Variants in CTXND1 observed in about 807,000 individuals in gnomAD.
CTXND1 encodes cortexin domain containing 1.
chr15:80,228,872 C>T (rs544641312), intron 1 of CTXND1, among the ~76,000 whole-genome samples: 4 of 152,210 alleles, frequency 2.6e-5, no homozygotes, highest in South Asian at 2.1e-4. Context: ...TCGTGATCCA[C>T]CTGCCTCGGC....
At chr15:80,208,175 C>G (rs1893169714) in intron 1 of CTXND1, among the ~76,000 whole-genome samples, 1 of 152,216 alleles carries the variant, frequency 6.6e-6, no homozygotes, top group Admixed American at 6.5e-5. Context: ...ACAAAATTAA[C>G]TTCTGTCAAT....
At chr15:80,208,469 T>C (rs1228212999) in intron 1 of CTXND1, among the ~76,000 whole-genome samples, 1 of 152,214 alleles carries the variant, frequency 6.6e-6, no homozygotes, top group African/African-American at 2.4e-5. Flanking sequence ...TTTAATTGCT[T>C]TTTTTTGTTT....
intron 1 of CTXND1, among the ~76,000 whole-genome samples, chr15:80,243,826 C>G (rs922787359): frequency 6.6e-6 from 1 of 152,192 alleles, no homozygotes; most frequent in Non-Finnish European, 1.5e-5. Flanking sequence ...GGAGCAATGA[C>G]ACCCCTTCTT....
intron 1 of CTXND1, among the ~76,000 whole-genome samples, chr15:80,250,547 T>C (rs1893681403): frequency 1.3e-5 from 2 of 152,234 alleles, no homozygotes; most frequent in East Asian, 1.9e-4. Flanking sequence ...GGAAAACTGA[T>C]TGGGAAATTA....
intron 1 of CTXND1, among the ~76,000 whole-genome samples, chr15:80,235,668 A>G (rs1893487016): frequency 6.6e-6 from 1 of 151,920 alleles, no homozygotes; most frequent in Non-Finnish European, 1.5e-5. Context: ...GGCTCCATAA[A>G]GTTCTTATCG....
At chr15:80,242,350 A>G (rs977458084) in intron 1 of CTXND1, among the ~76,000 whole-genome samples, 1 of 152,260 alleles carries the variant, frequency 6.6e-6, no homozygotes, top group East Asian at 1.9e-4. Context: ...GAGCCCGGGC[A>G]AGAAGTTAAA....
At chr15:80,244,839 C>T (rs766779308) in intron 1 of CTXND1, among the ~76,000 whole-genome samples, 7 of 152,160 alleles carry the variant, frequency 4.6e-5, no homozygotes, top group Non-Finnish European at 1.5e-5. Flanking sequence ...ATATAAAGCA[C>T]TATCAGGTAC....
rs1361504498 is a variant in CTXND1, at chr15:80,199,378, C to G, written c.*2392G>C. ...TTAAGTTGCACTGCCCTGGAGCACC[C>G]TCTTTTTCACCCCTGAGGGTTCTAA... On this transcript the variant is annotated 3_prime_UTR_variant, in exon 3 of 3. Transcript: ENST00000560778. 2 of 152,242 alleles carry G rather than the reference C, an allele frequency of 1.3e-5. No homozygotes were observed. Among genetic ancestry groups the G allele is most frequent in the African/African-American group, 4.8e-5 (2 of 41,462 alleles). The allele number at this position is 152,242 out of a possible 1,614,324, so 9.4% of individuals were successfully genotyped here. A position where few individuals can be genotyped will look rare whatever the true frequency, so the allele number is the denominator to read the frequency against.
chr15:80,205,242 C>T (rs561699162), intron 1 of CTXND1, among the ~76,000 whole-genome samples: 76 of 152,244 alleles, frequency 5.0e-4, no homozygotes, highest in African/African-American at 9.1e-4. Context: ...TAAATTCAAC[C>T]GTTCTTCTAT....
At chr15:80,230,633 A>G (rs761048580) in intron 1 of CTXND1, among the ~76,000 whole-genome samples, 5 of 151,938 alleles carry the variant, frequency 3.3e-5, no homozygotes, top group Non-Finnish European at 5.9e-5. Context: ...AGCTTACATC[A>G]CTGATTTTAG....
At chr15:80,217,703 T>C (rs1893268946) in intron 1 of CTXND1, among the ~76,000 whole-genome samples, 1 of 151,676 alleles carries the variant, frequency 6.6e-6, no homozygotes, top group Non-Finnish European at 1.5e-5. Context: ...CACACCACCA[T>C]ACCGGGCTAA....
At chr15:80,215,515 T>C (rs1268578600) in intron 1 of CTXND1, among the ~76,000 whole-genome samples, 1 of 152,144 alleles carries the variant, frequency 6.6e-6, no homozygotes, top group Non-Finnish European at 1.5e-5. Context: ...GATTAGGAAG[T>C]CTATTCCAGT....
At chr15:80,217,427 T>G (rs1284621946) in intron 1 of CTXND1, among the ~76,000 whole-genome samples, 1 of 152,200 alleles carries the variant, frequency 6.6e-6, no homozygotes, top group African/African-American at 2.4e-5. Flanking sequence ...TCTATTTTTT[T>G]GTACTATTTT....
At chr15:80,224,493 T>C (rs1461929909) in intron 1 of CTXND1, among the ~76,000 whole-genome samples, 1 of 152,212 alleles carries the variant, frequency 6.6e-6, no homozygotes, top group Non-Finnish European at 1.5e-5. Context: ...TGAAATCTAC[T>C]AGAGTAAGTT....
rs530070902 is a variant in CTXND1, at chr15:80,245,104, C to A, written c.-218+6903G>T. Among the ~76,000 whole-genome samples, 21 of 152,256 alleles carry A rather than the reference C, an allele frequency of 1.4e-4. No individual in the cohort carries two copies. The East Asian group carries it at 4.1e-3, about 29-fold the overall frequency. On this transcript the variant is annotated intron_variant, in intron 1 of 2. Transcript: ENST00000560778. ...ATCAGAGGCATGACTTTGTGGAATGCACTGAGGACAGTATTACACAGAGGG... is the reference window on the plus strand; with the variant it reads ...ATCAGAGGCATGACTTTGTGGAATGAACTGAGGACAGTATTACACAGAGGG...
rs1244611577 is a variant in CTXND1, at chr15:80,198,134, T to C, written c.*3636A>G. 6.6e-6 allele frequency: 1 copy of C among 152,198 alleles called. No individual in the cohort carries two copies. The allele number at this position is 152,198 out of a possible 1,614,324, so 9.4% of individuals were successfully genotyped here. On this transcript the variant is annotated 3_prime_UTR_variant, in exon 3 of 3. Coordinates refer to ENST00000560778, the MANE Select transcript of CTXND1 (RefSeq NM_001352888.2). ...GGGACTGTTGGCCCCTTCCAGATTG[T>C]ATTTCCCTAAGTGACCCACCACCGA...
chr15:80,235,821 C>CTT (rs1168811036), intron 1 of CTXND1, among the ~76,000 whole-genome samples: 1 of 151,818 alleles, frequency 6.6e-6, no homozygotes. Flanking sequence ...TGACACAAAT[C>CTT]ATTCATTCCT....
At chr15:80,243,325 T>A (rs1445655005) in intron 1 of CTXND1, among the ~76,000 whole-genome samples, 1 of 152,212 alleles carries the variant, frequency 6.6e-6, no homozygotes, top group African/African-American at 2.4e-5. Flanking sequence ...GCTACTCTAA[T>A]GGGCATTAAG....
chr15:80,221,597 A>AT (rs776752514), intron 1 of CTXND1, among the ~76,000 whole-genome samples: 102 of 152,000 alleles, frequency 6.7e-4, no homozygotes, highest in Non-Finnish European at 1.2e-3. Flanking sequence ...AATAAAAATG[A>AT]TTTTTTTTGG....
Sources: allele counts gnomAD v4.1 joint callset (sites outside exome capture counted in the v4.1 genomes callset), GRCh38; gene constraint gnomAD v4.1.1; transcripts MANE v1.5; gene names NCBI Gene and HGNC (gene_info 2026-07-23, HGNC 2026-07-21).